SCAF11: variants seen among roughly 807,000 people sequenced by gnomAD.
SCAF11 encodes SR-related CTD associated factor 11, also known as protein SCAF11.
A neutral mutation model predicts 140.5 loss-of-function variants in SCAF11; 47 were observed. That is an observed-to-expected ratio of 0.33 (90% CI 0.26 to 0.43). SCAF11 has a LOEUF of 0.43. Ranked by LOEUF, SCAF11 falls within the 20% of genes least tolerant of loss-of-function variation. The pLI is 1.00. For missense variants in SCAF11, 1,645 were observed against 1,705.1 expected (o/e 0.96, Z 0.62); for synonymous variants, 557 against 579.4 (o/e 0.96, Z 0.55).
At chr12:45,988,869 A>G (rs1946524065) in intron 1 of SCAF11, among the ~76,000 whole-genome samples, 1 of 152,234 alleles carries the variant, frequency 6.6e-6, no homozygotes, top group South Asian at 2.1e-4. Flanking sequence ...AAATGCAGCT[A>G]CCCTAAGAAC....
intron 6 of SCAF11, among the ~76,000 whole-genome samples, chr12:45,937,566 G>A (rs1048239769): frequency 1.4e-5 from 2 of 142,152 alleles, no homozygotes; most frequent in East Asian, 4.3e-4. Context: ...TTCAGCTAAT[G>A]TGTTTCACTG....
In SCAF11 at chr12:45,951,740, T is replaced by C; in HGVS notation, c.220-13A>G. On this transcript the variant is annotated splice_polypyrimidine_tract_variant and intron_variant, in intron 3 of 14. Transcript: ENST00000369367. ...ATGAAGCCAGTGTCTGAAAAGTGAT[T>C]AACAAATTATATCTTTACAAATGTT... 4 of 1,505,696 alleles carry C rather than the reference T, an allele frequency of 2.7e-6. No individual in the cohort carries two copies. The highest frequency in any genetic ancestry group is 2.7e-6 in the Non-Finnish European group (3 of 1,095,026). The allele number at this position is 1,505,696 out of a possible 1,614,324, so 93.3% of individuals were successfully genotyped here.
intron 4 of SCAF11, among the ~76,000 whole-genome samples, chr12:45,949,604 T>C (rs1275394366): frequency 1.3e-5 from 2 of 151,942 alleles, no homozygotes; most frequent in Non-Finnish European, 2.9e-5. Context: ...ATTTAAGACA[T>C]TGAGCAGAAA....
At chr12:45,983,783 A>ACACACAACTAATTTTTACCTTACTGT (rs1209868233) in intron 1 of SCAF11, among the ~76,000 whole-genome samples, 3 of 151,554 alleles carry the variant, frequency 2.0e-5, no homozygotes, top group African/African-American at 7.3e-5. Flanking sequence ...ACACACACAC[A>ACACACAACTAATTTTTACCTTACTGT]CAAAGACTGA....
At chr12:45,976,445 G>T (rs138338638) in intron 1 of SCAF11, among the ~76,000 whole-genome samples, 1 of 152,030 alleles carries the variant, frequency 6.6e-6, no homozygotes, top group South Asian at 2.1e-4. Flanking sequence ...TTTATCATGA[G>T]TATGTACATA....
chr12:45,963,645 A>C (rs1407374293), intron 2 of SCAF11, among the ~76,000 whole-genome samples: 5 of 152,164 alleles, frequency 3.3e-5, no homozygotes, highest in Non-Finnish European at 4.4e-5. Context: ...ACATTGCATA[A>C]AACATCATCT....
At chr12:45,976,705 T>C (rs1454319716) in intron 1 of SCAF11, among the ~76,000 whole-genome samples, 15 of 150,784 alleles carry the variant, frequency 9.9e-5, no homozygotes, top group Admixed American at 9.3e-4. Context: ...ATTTAAAATA[T>C]GTGAGATGTA....
At chr12:45,945,142 A>C (rs1472107463) in intron 6 of SCAF11, 107 bp downstream of exon 6, 1 of 734,426 alleles carries the variant, frequency 1.4e-6, no homozygotes, top group African/African-American at 1.8e-5. Flanking sequence ...CAGAGTTCTG[A>C]GGACTATTTT....
intron 1 of SCAF11, among the ~76,000 whole-genome samples, chr12:45,968,428 C>T (rs1945999489): frequency 6.6e-6 from 1 of 151,884 alleles, no homozygotes; most frequent in African/African-American, 2.4e-5. Context: ...CTGCTAGATA[C>T]TGAAAGTGAT....
chr12:45,992,012 C>T (rs1946625583), upstream of SCAF11: 1 of 1,288,932 alleles, frequency 7.8e-7, no homozygotes, highest in African/African-American at 1.5e-5. Flanking sequence ...CCCCACTTTG[C>T]CGCGGCCCCG....
intron 1 of SCAF11, chr12:45,974,268 T>C: frequency 2.1e-6 from 1 of 468,686 alleles, no homozygotes; most frequent in South Asian, 1.6e-5. Flanking sequence ...AGGGTCTTGC[T>C]TTGATGTTGA....
At position 45,922,304 on chromosome 12, in the gene SCAF11, A is replaced by C. The variant is rs913032972; in HGVS notation, c.4246-110T>G. The C allele has an allele frequency of 3.4e-6, 5 of 1,454,718 alleles. No individual in the cohort carries two copies. The African/African-American group carries it at 5.8e-5, about 17-fold the overall frequency. The allele number at this position is 1,454,718 out of a possible 1,614,324, so 90.1% of individuals were successfully genotyped here. A position where few individuals can be genotyped will look rare whatever the true frequency, so the allele number is the denominator to read the frequency against. On this transcript the variant is annotated intron_variant, in intron 14 of 14. Coordinates refer to ENST00000369367, the MANE Select transcript of SCAF11 (RefSeq NM_004719.3). The stretch of plus-strand genomic sequence containing the variant: ...CAAAGAGATAACCAGACTTATTTTC[A>C]TGTTTCATTATCTCACACAAACTAA...
intron 6 of SCAF11, among the ~76,000 whole-genome samples, chr12:45,942,265 A>C (rs1220011392): frequency 6.6e-6 from 1 of 152,260 alleles, no homozygotes; most frequent in Non-Finnish European, 1.5e-5. Context: ...TCAATGGTAC[A>C]TACAGAATGG....
intron 6 of SCAF11, among the ~76,000 whole-genome samples, chr12:45,943,919 A>G (rs1945363951): frequency 6.6e-6 from 1 of 152,218 alleles, no homozygotes; most frequent in East Asian, 1.9e-4. Context: ...AAACAGTAAA[A>G]CAAAATCTCA....
At chr12:45,940,554 GA>G (rs1945272291) in intron 6 of SCAF11, among the ~76,000 whole-genome samples, 1 of 152,174 alleles carries the variant, frequency 6.6e-6, no homozygotes, top group Non-Finnish European at 1.5e-5. Context: ...TCTCGGACAA[GA>G]CATTTAGCCT....
chr12:45,990,711 C>G (rs956863610), upstream of SCAF11: 1 of 670,830 alleles, frequency 1.5e-6, no homozygotes, highest in Non-Finnish European at 2.0e-6. Context: ...CTTACTCGCT[C>G]GCTCTGGCCC....
chr12:45,947,858 G>A (rs1189325455), intron 5 of SCAF11, among the ~76,000 whole-genome samples: 1 of 151,896 alleles, frequency 6.6e-6, no homozygotes, highest in African/African-American at 2.4e-5. Flanking sequence ...TAAATTTTTA[G>A]TAGAGACAGG....
chr12:45,928,870 TTA>T lies in SCAF11; in HGVS notation c.842-13_842-12del. On this transcript the variant is annotated splice_polypyrimidine_tract_variant and intron_variant, in intron 10 of 14. Coordinates refer to ENST00000369367, the MANE Select transcript of SCAF11 (RefSeq NM_004719.3). ...CCTTGCAAGAAGTACCTAATAATAT[TTA>T]AAAAAAAAAAAAAAGTAAAAAATAT... 5 of 1,345,288 alleles carry T rather than the reference TTA, an allele frequency of 3.7e-6. No homozygotes were observed. In the South Asian group the frequency reaches 7.7e-5, roughly 21 times the overall value. The allele number at this position is 1,345,288 out of a possible 1,614,324, so 83.3% of individuals were successfully genotyped here.
chr12:45,928,646 C>G lies in SCAF11; in HGVS notation c.1055G>C (p.Ser352Thr), dbSNP rs1473411198. The part of the protein sequence containing the change: ...DNSGCDAPGN[S>T]NPSLSVPSSA... The stretch of plus-strand genomic sequence containing the variant: ...AGAGGGAACACTTAAAGATGGATTA[C>G]TGTTACCTGGGGCATCACACCCAGA... Residue 352 changes from serine (S) to threonine (T), a missense_variant, in exon 11 of 15, where the codon AGT becomes ACT. Coordinates refer to ENST00000369367, the MANE Select transcript of SCAF11 (RefSeq NM_004719.3). The G allele has an allele frequency of 2.0e-5, 32 of 1,613,978 alleles. No individual in the cohort carries two copies. Among genetic ancestry groups the G allele is most frequent in the Middle Eastern group, 1.6e-4 (1 of 6,084 alleles).
Sources: gnomAD v4.1 joint callset for allele counts (sites outside exome capture counted in the v4.1 genomes callset) on GRCh38, gnomAD v4.1.1 for gene constraint, MANE v1.5 for transcripts, NCBI Gene and HGNC (gene_info 2026-07-23, HGNC 2026-07-21) for gene names.